Variants in NKAIN2 observed in about 807,000 individuals in gnomAD.
NKAIN2 encodes the protein sodium/potassium-transporting ATPase subunit beta-1-interacting protein 2.
NKAIN2 carries 14 observed loss-of-function variants against 32.6 expected under a neutral mutation model. That is an observed-to-expected ratio of 0.43 (90% CI 0.28 to 0.67). NKAIN2 has a LOEUF of 0.67. Among genes scored for constraint, NKAIN2 ranks in the 30% least tolerant of loss-of-function variants. The pLI is 0.17. For missense variants in NKAIN2, 198 were observed against 258.3 expected, an observed-to-expected ratio of 0.77 and a Z score of 1.60; for synonymous variants, 80 against 87.2, an observed-to-expected ratio of 0.92 and a Z score of 0.46.
At chr6:123,887,768 A>C (rs1259128117) in intron 1 of NKAIN2, among the ~76,000 whole-genome samples, 1 of 152,142 alleles carries the variant, frequency 6.6e-6, no homozygotes, top group African/African-American at 2.4e-5. Context: ...AATTAGAATT[A>C]GACTTTTGTT....
intron 3 of NKAIN2, among the ~76,000 whole-genome samples, chr6:124,588,075 T>G (rs1014430026): frequency 1.3e-5 from 2 of 152,320 alleles, no homozygotes; most frequent in East Asian, 3.9e-4. Flanking sequence ...TAGGTTCCGC[T>G]GCAATATTCA....
intron 3 of NKAIN2, among the ~76,000 whole-genome samples, chr6:124,528,076 T>A (rs1439202368): frequency 6.6e-6 from 1 of 152,170 alleles, no homozygotes; most frequent in Admixed American, 6.5e-5. Context: ...AGCTCTGTGC[T>A]GTGGAAGATC....
Position 124,187,460 on chromosome 6 carries a change from T to C in NKAIN2, c.55-95545T>C, listed in dbSNP as rs568423594. Among the ~76,000 whole-genome samples the C allele has an allele frequency of 1.5e-4, 23 of 152,238 alleles. No individual in the cohort carries two copies. In the East Asian group the frequency reaches 4.1e-3, roughly 27 times the overall value. On this transcript the variant is annotated intron_variant, in intron 1 of 6. Transcript: ENST00000368417. ...TTTATTGCAGCCACCCATAGTCCAA[T>C]TGGGTAGACAGGGCAGTTTCGGATA... is the stretch of plus-strand genomic sequence containing the variant.
chr6:123,824,346 G>A (rs144859680), intron 1 of NKAIN2, among the ~76,000 whole-genome samples: 35 of 152,176 alleles, frequency 2.3e-4, no homozygotes, highest in Non-Finnish European at 3.8e-4. Context: ...ATTGTAAAGG[G>A]CAGCAAGCCA....
chr6:124,465,176 T>G (rs763305006), intron 3 of NKAIN2, among the ~76,000 whole-genome samples: 1 of 152,104 alleles, frequency 6.6e-6, no homozygotes, highest in African/African-American at 2.4e-5. Context: ...TAAAGACACA[T>G]GCACATGTAT....
intron 1 of NKAIN2, among the ~76,000 whole-genome samples, chr6:123,931,302 C>CT (rs1237899894): frequency 2.0e-5 from 3 of 152,068 alleles, no homozygotes; most frequent in Admixed American, 2.0e-4. Flanking sequence ...TTCTTGGTCC[C>CT]TTTTTTTACC....
chr6:124,717,419 A>T (rs2114622452), intron 4 of NKAIN2, among the ~76,000 whole-genome samples: 1 of 152,330 alleles, frequency 6.6e-6, no homozygotes, highest in East Asian at 1.9e-4. Flanking sequence ...GGTAGGTATC[A>T]ATGGTTGAAT....
intron 2 of NKAIN2, among the ~76,000 whole-genome samples, chr6:124,322,950 A>G (rs1245855738): frequency 1.3e-5 from 2 of 152,136 alleles, no homozygotes; most frequent in Non-Finnish European, 2.9e-5. Flanking sequence ...GCATATATTT[A>G]TTTTAATTTT....
intron 1 of NKAIN2, among the ~76,000 whole-genome samples, chr6:124,153,348 T>TC (rs1787826847): frequency 6.6e-6 from 1 of 151,856 alleles, no homozygotes; most frequent in Admixed American, 6.6e-5. Flanking sequence ...CTACATCAAT[T>TC]TTAGAATTCT....
chr6:124,720,631 G>A (rs763323032), intron 4 of NKAIN2, among the ~76,000 whole-genome samples: 14 of 152,092 alleles, frequency 9.2e-5, no homozygotes, highest in Non-Finnish European at 1.8e-4. Flanking sequence ...CTGAAGCATA[G>A]AGCCCTATTT....
At chr6:124,284,280 G>A (rs929249629) in intron 2 of NKAIN2, among the ~76,000 whole-genome samples, 1 of 152,130 alleles carries the variant, frequency 6.6e-6, no homozygotes, top group African/African-American at 2.4e-5. Context: ...ATCGTAATTT[G>A]ATACAGTGTA....
chr6:124,077,304 T>C (rs939775005), intron 1 of NKAIN2, among the ~76,000 whole-genome samples: 1 of 152,244 alleles, frequency 6.6e-6, no homozygotes, highest in African/African-American at 2.4e-5. Context: ...CTAATTTTCA[T>C]ACATGTATTT....
At chr6:124,774,780 C>G (rs1050773927) in intron 4 of NKAIN2, among the ~76,000 whole-genome samples, 6 of 148,440 alleles carry the variant, frequency 4.0e-5, no homozygotes, top group Non-Finnish European at 8.9e-5. Context: ...TGCTTGAGCC[C>G]GGGAGGTAGA....
chr6:124,631,843 C>T (rs1783582161), intron 3 of NKAIN2, among the ~76,000 whole-genome samples: 1 of 152,046 alleles, frequency 6.6e-6, no homozygotes, highest in South Asian at 2.1e-4. Flanking sequence ...CACAACTACC[C>T]CGGACACAGA....
chr6:124,271,377 T>C (rs377035986), intron 1 of NKAIN2, among the ~76,000 whole-genome samples: 65 of 152,224 alleles, frequency 4.3e-4, no homozygotes, highest in South Asian at 3.3e-3. Flanking sequence ...CCACCACGCC[T>C]GGCTAATTTT....
chr6:124,043,394 A>G (rs759281213), intron 1 of NKAIN2, among the ~76,000 whole-genome samples: 25 of 152,106 alleles, frequency 1.6e-4, no homozygotes, highest in South Asian at 6.2e-4. Context: ...ATATTTATTT[A>G]CAGGAGTGCT....
At chr6:124,437,886 T>TC (rs1194550944) in intron 3 of NKAIN2, 14 of 417,126 alleles carry the variant, frequency 3.4e-5, no homozygotes, top group Non-Finnish European at 5.6e-5. Flanking sequence ...TTTTTTTTTT[T>TC]TTTTTCTTAA....
chr6:124,291,949 G>C (rs1444777450), intron 2 of NKAIN2, among the ~76,000 whole-genome samples: 1 of 151,826 alleles, frequency 6.6e-6, no homozygotes, highest in African/African-American at 2.4e-5. Context: ...CAAACCTTCA[G>C]AGGGAAAGTT....
chr6:124,282,189 C>G, intron 1 of NKAIN2: 1 of 289,014 alleles, frequency 3.5e-6, no homozygotes, highest in Non-Finnish European at 6.8e-6. Context: ...TGTTTTTCTC[C>G]TCTCACTGCT....
Sources: gnomAD v4.1 joint callset for allele counts (sites outside exome capture counted in the v4.1 genomes callset) on GRCh38, gnomAD v4.1.1 for gene constraint, MANE v1.5 for transcripts, NCBI Gene and HGNC (gene_info 2026-07-23, HGNC 2026-07-21) for gene names.